Variants in SLC16A4 observed in about 807,000 individuals in gnomAD.
The protein encoded by SLC16A4 is solute carrier family 16 member 4, also known as probable monocarboxylate transporter 5.
Under a neutral mutation model 47.9 loss-of-function variants are expected in SLC16A4, and 39 were observed. The observed-to-expected ratio is 0.81, with a 90% CI of 0.63 to 1.06. SLC16A4 has a LOEUF of 1.06. Ranked by LOEUF, SLC16A4 falls within the 50% of genes least tolerant of loss-of-function variation. SLC16A4 has a pLI of 0.00. For synonymous variants in SLC16A4, 189 were observed against 199.9 expected (o/e 0.95, Z 0.46); for missense variants, 524 against 573.8 (o/e 0.91, Z 0.89).
intron 8 of SLC16A4, chr1:110,373,077 TC>T (rs1661770254): frequency 6.6e-6 from 1 of 152,196 alleles, no homozygotes; most frequent in Non-Finnish European, 1.5e-5. Flanking sequence ...ATTTCAGAAC[TC>T]ACATATATAC....
At position 110,377,171 on chromosome 1, in the gene SLC16A4, T is replaced by A; in HGVS notation, c.1031-10A>T. On this transcript the variant is annotated splice_polypyrimidine_tract_variant and intron_variant, in intron 6 of 8. Transcript: ENST00000369779. ...ACCGTCTCAAGGATACCTGGAACAA[T>A]ATTGAAATCTTTTTATTTTCCTGGT... 1 of 1,607,174 alleles carries A rather than the reference T, an allele frequency of 6.2e-7. No homozygotes were observed. Among genetic ancestry groups the A allele is most frequent in the Non-Finnish European group, 8.5e-7 (1 of 1,174,800 alleles).
rs79742556 is a variant in SLC16A4, at chr1:110,380,079, G to A, written c.527-723C>T. 1.6e-3 allele frequency among the ~76,000 whole-genome samples: 176 copies of A among 110,580 alleles called. 2 individuals are homozygous for A. The East Asian group carries it at 0.048, about 30-fold the overall frequency. 72.5% of individuals were successfully genotyped at this position (110,580 alleles called of 152,430 possible). On this transcript the variant is annotated intron_variant, in intron 5 of 8. Transcript: ENST00000369779. ...GTCTCAAAAAAAAAAAAAAAGCAGCGGGAGGGAGGAAGGCATGGATAGCCT... is the reference window on the plus strand; with the variant it reads ...GTCTCAAAAAAAAAAAAAAAGCAGCAGGAGGGAGGAAGGCATGGATAGCCT...
chr1:110,364,048 G>A, intron 8 of SLC16A4, 155 bp from the exon 9 acceptor site: 1 of 620,168 alleles, frequency 1.6e-6, no homozygotes, highest in Non-Finnish European at 2.5e-6. Context: ...TGATGAAGTT[G>A]AATCAGCTCC....
intron 8 of SLC16A4, among the ~76,000 whole-genome samples, chr1:110,365,806 T>C (rs1233289127): frequency 6.6e-6 from 1 of 152,146 alleles, no homozygotes; most frequent in Non-Finnish European, 1.5e-5. Context: ...TATAAAATAG[T>C]GGTCTCAGAA....
rs1662205123 is a variant in SLC16A4 at position 110,379,167 on chromosome 1, T to C, written c.716A>G (p.Asp239Gly). The C allele has an allele frequency of 6.2e-7, 1 of 1,614,246 alleles. No individual in the cohort carries two copies. Among genetic ancestry groups the C allele is most frequent in the Non-Finnish European group, 8.5e-7 (1 of 1,180,044 alleles). The change falls in exon 6 of 9, where the codon GAC becomes GGC. Residue 239 changes from aspartate (D) to glycine (G), a missense_variant. Physicochemically the swap from Asp to Gly is moderately conservative, Grantham distance 94 (BLOSUM62 -1). Transcript: ENST00000369779. ...CHETEESTIKDSTTQKAGLPS... is the reference protein window; with the variant it reads ...CHETEESTIKGSTTQKAGLPS... ...TAGTCCAGCCTTCTGCGTAGTACTG[T>C]CCTTGATGGTAGACTCTTCTGTCTC...
chr1:110,381,147 A>T lies in SLC16A4; in HGVS notation c.365-4T>A, dbSNP rs1008988933. The T allele has an allele frequency of 5.0e-6, 8 of 1,613,110 alleles. No homozygotes were observed. The highest frequency in any genetic ancestry group is 1.1e-5 in the South Asian group (1 of 90,996). On this transcript the variant is annotated splice_polypyrimidine_tract_variant and splice_region_variant and intron_variant, in intron 4 of 8. Coordinates refer to ENST00000369779, the MANE Select transcript of SLC16A4 (RefSeq NM_004696.3). ...TATAAGAAAGCAGAACCCAAACCTA[A>T]AAGAAAAACGTAATAGTTTAGAATC...
Position 110,377,108 on chromosome 1 carries a change from A to T in SLC16A4, c.1084T>A (p.Trp362Arg), listed in dbSNP as rs761569682. 6.2e-7 allele frequency: 1 copy of T among 1,614,204 alleles called. No individual in the cohort carries two copies. The highest frequency in any genetic ancestry group is 8.5e-7 in the Non-Finnish European group (1 of 1,180,020). ...IISGWVADQN[W>R]IKKYHYHKSY... is the part of the protein sequence containing the mutation. Reference sequence around the variant, plus strand: ...TTGTGGTAATGATACTTCTTAATCCAGTTTTGATCAGCAACCCATCCAGAA... The same window carrying T: ...TTGTGGTAATGATACTTCTTAATCCTGTTTTGATCAGCAACCCATCCAGAA... Residue 362 changes from tryptophan to arginine, a missense_variant, in exon 7 of 9, where the codon TGG becomes AGG. Transcript: ENST00000369779.
chr1:110,382,302 T>C (rs1662445280), intron 3 of SLC16A4, among the ~76,000 whole-genome samples: 1 of 151,988 alleles, frequency 6.6e-6, no homozygotes, highest in South Asian at 2.1e-4. Context: ...CTACTAAAAA[T>C]ACAAAAATTA....
At chr1:110,378,747 A>T in intron 6 of SLC16A4, 106 bp downstream of exon 6, 1 of 1,430,650 alleles carries the variant, frequency 7.0e-7, no homozygotes, top group Non-Finnish European at 9.4e-7. Flanking sequence ...TGGCCCTTCT[A>T]CAATTCCTCT....
chr1:110,375,697 A>G (rs554458327), intron 7 of SLC16A4, 146 bp from the exon 8 acceptor site: 160 of 544,998 alleles, frequency 2.9e-4, no homozygotes, highest in African/African-American at 2.5e-3. Flanking sequence ...TGCCCCCAAT[A>G]TTGTGAAAGA....
Position 110,376,956 on chromosome 1 carries a change from A to C in SLC16A4, c.1236T>G (p.Pro412=). 1.9e-6 allele frequency: 3 copies of C among 1,612,828 alleles called. No homozygotes were observed. Among genetic ancestry groups the C allele is most frequent in the Non-Finnish European group, 2.5e-6 (3 of 1,178,908 alleles). Residue 412 remains proline, a synonymous_variant, in exon 7 of 9, where the codon CCT becomes CCG. Coordinates refer to ENST00000369779, the MANE Select transcript of SLC16A4 (RefSeq NM_004696.3). ...FAGGYLALIL[P]VLVDLCRNST... is the part of the protein sequence containing the mutation. ...AATGAGTGTGTCTACTCACCAGTAC[A>C]GGCAGTATCAATGCCAGGTAACCAC... is the stretch of plus-strand genomic sequence containing the variant.
At chr1:110,381,896 T>G in intron 3 of SLC16A4, 101 bp from the exon 4 acceptor site, 1 of 1,121,538 alleles carries the variant, frequency 8.9e-7, no homozygotes, top group Non-Finnish European at 1.3e-6. Context: ...GCAAGAGGAC[T>G]GTTTACTTTG....
intron 8 of SLC16A4, among the ~76,000 whole-genome samples, chr1:110,366,269 T>G (rs1416674145): frequency 2.6e-5 from 4 of 152,118 alleles, no homozygotes; most frequent in Non-Finnish European, 5.9e-5. Context: ...GTGATTCTCT[T>G]GCCTCAGCCT....
At chr1:110,379,423 G>T in intron 5 of SLC16A4, 67 bp from the exon 6 acceptor site, 1 of 1,460,360 alleles carries the variant, frequency 6.8e-7, no homozygotes, top group South Asian at 1.4e-5. Flanking sequence ...TGTGTTCATA[G>T]GCTCAGAAGA....
chr1:110,381,870 A>G, intron 3 of SLC16A4, 75 bp from the exon 4 acceptor site: 1 of 1,342,316 alleles, frequency 7.4e-7, no homozygotes. Context: ...GGCGATTTAA[A>G]TGAATGACAA....
chr1:110,379,150 C>A lies in SLC16A4; in HGVS notation c.733G>T (p.Ala245Ser). 1 of 1,614,212 alleles carries A rather than the reference C, an allele frequency of 6.2e-7. No homozygotes were observed. The highest frequency in any genetic ancestry group is 8.5e-7 in the Non-Finnish European group (1 of 1,180,050). ...GTTAAATTTTTGCTAGGTAGTCCAG[C>A]CTTCTGCGTAGTACTGTCCTTGATG... ...STIKDSTTQK[A>S]GLPSKNLTVS... Residue 245 changes from alanine to serine, a missense_variant, in exon 6 of 9, where the codon GCT (alanine) becomes TCT (serine). Coordinates refer to ENST00000369779, the MANE Select transcript of SLC16A4 (RefSeq NM_004696.3).
chr1:110,381,088 G>A lies in SLC16A4; in HGVS notation c.420C>T (p.Phe140=). 6.2e-7 allele frequency: 1 copy of A among 1,614,072 alleles called. No homozygotes were observed. Among genetic ancestry groups the A allele is most frequent in the Non-Finnish European group, 8.5e-7 (1 of 1,179,952 alleles). Residue 140 remains phenylalanine (F), a synonymous_variant, in exon 5 of 9, where the codon TTC becomes TTT. Transcript: ENST00000369779. The stretch of plus-strand genomic sequence containing the variant: ...CTGTAGAAAGAGCCAATCGTTTTTT[G>A]AAGTATTTGGTAGTTACCACAGCAG... ...QVAAVVTTKY[F]KKRLALSTAI...
chr1:110,382,434 G>A (rs995154169), intron 3 of SLC16A4, among the ~76,000 whole-genome samples: 1 of 151,986 alleles, frequency 6.6e-6, no homozygotes, highest in Non-Finnish European at 1.5e-5. Flanking sequence ...ACTCCAACCT[G>A]GGCAACAGAG....
chr1:110,367,482 T>A (rs533132423), intron 8 of SLC16A4, among the ~76,000 whole-genome samples: 6 of 152,096 alleles, frequency 3.9e-5, no homozygotes, highest in Non-Finnish European at 8.8e-5. Flanking sequence ...GTCCCTATTC[T>A]ATCAAAAATT....
Sources: allele counts gnomAD v4.1 joint callset (sites outside exome capture counted in the v4.1 genomes callset), GRCh38; gene constraint gnomAD v4.1.1; transcripts MANE v1.5; gene names NCBI Gene and HGNC (gene_info 2026-07-23, HGNC 2026-07-21).